GRAMD1B: variants seen among roughly 807,000 people sequenced by gnomAD.
GRAMD1B encodes the protein protein Aster-B.
In GRAMD1B, 37 loss-of-function variants were observed where a neutral mutation model predicts 99.7. The observed-to-expected ratio is 0.37, with a 90% confidence interval of 0.29 to 0.49. The LOEUF is 0.49. GRAMD1B is among the 20% of genes least tolerant of loss of function. GRAMD1B has a pLI of 0.98. For synonymous variants in GRAMD1B, 427 were observed against 387.6 expected (o/e 1.10, Z -1.19); for missense variants, 888 against 1,009.2 (o/e 0.88, Z 1.63).
intron 1 of GRAMD1B, among the ~76,000 whole-genome samples, chr11:123,414,402 T>G (rs1401782060): frequency 6.6e-6 from 1 of 152,206 alleles, no homozygotes; most frequent in Non-Finnish European, 1.5e-5. Flanking sequence ...TATTGAGCAC[T>G]TATTGTGTGC....
chr11:123,603,679 A>T, intron 9 of GRAMD1B, 138 bp downstream of exon 9: 1 of 666,082 alleles, frequency 1.5e-6, no homozygotes, highest in Non-Finnish European at 2.7e-6. Context: ...AAGTGGTCAC[A>T]GGTGAGGTCA....
Position 123,591,575 on chromosome 11 carries a change from TGGTA to T in GRAMD1B, c.685-2505_685-2502del. The T allele has an allele frequency of 2.5e-6, 1 of 398,532 alleles. No individual in the cohort carries two copies. Among genetic ancestry groups the T allele is most frequent in the Non-Finnish European group, 4.4e-6 (1 of 226,050 alleles). 24.7% of individuals were successfully genotyped at this position (398,532 alleles called of 1,614,324 possible). A position where few individuals can be genotyped will look rare whatever the true frequency, so the allele number is the denominator to read the frequency against. On this transcript the variant is annotated intron_variant, in intron 4 of 19. Coordinates refer to ENST00000635736, the MANE Select transcript of GRAMD1B (RefSeq NM_001387025.1). The surrounding 1 kb of genome is among the most constrained non-coding windows in gnomAD (Gnocchi z 4.7). Reference sequence around the variant, plus strand: ...GTGACTCAGTTTCTCTGAGTCTCTGTGGTAGTTCTGCACCCTTGTTATGCCACTT... The same window carrying T: ...GTGACTCAGTTTCTCTGAGTCTCTGTGTTCTGCACCCTTGTTATGCCACTT...
intron 4 of GRAMD1B, among the ~76,000 whole-genome samples, chr11:123,589,349 G>A (rs1950393557): frequency 6.6e-6 from 1 of 151,808 alleles, no homozygotes; most frequent in African/African-American, 2.4e-5. Flanking sequence ...GAGGGTTGTA[G>A]GAGTTTGTTA....
intron 2 of GRAMD1B, among the ~76,000 whole-genome samples, chr11:123,498,360 C>T (rs1305477553): frequency 2.0e-5 from 3 of 152,204 alleles, no homozygotes; most frequent in East Asian, 1.9e-4. Flanking sequence ...ACAATTGCTG[C>T]GCTCTCCCTC....
chr11:123,538,433 T>C (rs563913351), intron 2 of GRAMD1B, among the ~76,000 whole-genome samples: 2 of 152,228 alleles, frequency 1.3e-5, no homozygotes, highest in African/African-American at 2.4e-5. Context: ...AATTCACTCA[T>C]TTAAGATGTA....
At chr11:123,465,697 A>G (rs1024430162) in intron 1 of GRAMD1B, among the ~76,000 whole-genome samples, 13 of 151,602 alleles carry the variant, frequency 8.6e-5, no homozygotes, top group Middle Eastern at 6.8e-3. Flanking sequence ...TGAACCCGGG[A>G]GGCGGAGGTT....
At chr11:123,413,424 G>T (rs1050719912) in intron 1 of GRAMD1B, among the ~76,000 whole-genome samples, 1 of 152,102 alleles carries the variant, frequency 6.6e-6, no homozygotes, top group African/African-American at 2.4e-5. Context: ...ATCGGAGAGA[G>T]AACTGATCAA....
chr11:123,593,932 G>A (rs763803081), intron 4 of GRAMD1B, 150 bp from the exon 5 acceptor site: 17 of 632,274 alleles, frequency 2.7e-5, no homozygotes, highest in Non-Finnish European at 4.0e-5. Flanking sequence ...CCGAGGCGCC[G>A]TTCCTCAGCC....
intron 1 of GRAMD1B, among the ~76,000 whole-genome samples, chr11:123,455,194 T>G (rs553547778): frequency 6.6e-6 from 1 of 152,358 alleles, no homozygotes; most frequent in East Asian, 1.9e-4. Flanking sequence ...AAATATTTGA[T>G]TAAACTATAA....
chr11:123,616,003 G>T (rs749317105), intron 17 of GRAMD1B, among the ~76,000 whole-genome samples: 1 of 152,086 alleles, frequency 6.6e-6, no homozygotes, highest in Non-Finnish European at 1.5e-5. Context: ...CATAAGAAAC[G>T]AAGATATTTT....
intron 2 of GRAMD1B, among the ~76,000 whole-genome samples, chr11:123,486,238 C>G (rs1394982611): frequency 1.3e-5 from 2 of 152,102 alleles, no homozygotes; most frequent in African/African-American, 4.8e-5. Flanking sequence ...GATCTTACAC[C>G]CTTCTGTTCT....
intron 2 of GRAMD1B, among the ~76,000 whole-genome samples, chr11:123,520,059 C>T (rs1942053105): frequency 6.6e-6 from 1 of 152,204 alleles, no homozygotes; most frequent in Non-Finnish European, 1.5e-5. Flanking sequence ...AGACAAGAAA[C>T]ACCAATCATG....
At chr11:123,571,963 C>T (rs1948151978) in intron 2 of GRAMD1B, among the ~76,000 whole-genome samples, 1 of 152,174 alleles carries the variant, frequency 6.6e-6, no homozygotes, top group African/African-American at 2.4e-5. Context: ...TATCATCCCA[C>T]CTACTGATTA....
intron 1 of GRAMD1B, among the ~76,000 whole-genome samples, chr11:123,411,226 G>C (rs986831147): frequency 2.0e-5 from 3 of 151,812 alleles, no homozygotes; most frequent in Non-Finnish European, 2.9e-5. Context: ...GGATGGTCTC[G>C]ATCTCCTGAT....
intron 3 of GRAMD1B, among the ~76,000 whole-genome samples, chr11:123,582,581 G>T (rs1949480005): frequency 6.6e-6 from 1 of 152,130 alleles, no homozygotes; most frequent in Non-Finnish European, 1.5e-5. Context: ...TGGCCATCGA[G>T]GGCATGTGTG....
intron 2 of GRAMD1B, among the ~76,000 whole-genome samples, chr11:123,553,258 C>T (rs1026783545): frequency 1.3e-5 from 2 of 152,118 alleles, no homozygotes; most frequent in Non-Finnish European, 2.9e-5. Context: ...AAAGATAATA[C>T]CCAGGAGCCA....
chr11:123,395,465 A>C (rs2135881610), intron 1 of GRAMD1B, among the ~76,000 whole-genome samples: 1 of 152,246 alleles, frequency 6.6e-6, no homozygotes, highest in East Asian at 1.9e-4. Context: ...CATTAACAAC[A>C]ACAACAACAA....
At chr11:123,495,524 G>A (rs1242112760) in intron 2 of GRAMD1B, among the ~76,000 whole-genome samples, 1 of 151,784 alleles carries the variant, frequency 6.6e-6, no homozygotes, top group Non-Finnish European at 1.5e-5. Context: ...TATTTTTTCT[G>A]TACCCATTGA....
Position 123,603,461 on chromosome 11 carries a change from C to T in GRAMD1B, c.1086C>T (p.His362=), listed in dbSNP as rs751852292. Residue 362 remains histidine, a synonymous_variant, in exon 9 of 20, where the codon CAC becomes CAT. Transcript: ENST00000635736. ...LCPKELWHFV[H]QCYGNELGLT... ...CCAAGGAGCTCTGGCACTTTGTTCA[C>T]CAGTGCTATGGGAACGAATTGGGCC... 45 of 1,613,032 alleles carry T rather than the reference C, an allele frequency of 2.8e-5. 1 individual carries two copies. Among genetic ancestry groups the T allele is most frequent in the Non-Finnish European group, 3.0e-5 (35 of 1,179,072 alleles).
Sources: allele counts gnomAD v4.1 joint callset (sites outside exome capture counted in the v4.1 genomes callset), GRCh38; gene constraint gnomAD v4.1.1; non-coding constraint Gnocchi (gnomAD v3.1); transcripts MANE v1.5; gene names NCBI Gene and HGNC (gene_info 2026-07-23, HGNC 2026-07-21).